Variants in PLPP1 observed in about 807,000 individuals in gnomAD.
PLPP1 encodes phospholipid phosphatase 1.
PLPP1 carries 24 observed loss-of-function variants against 31.2 expected under a neutral mutation model. That is an observed-to-expected ratio of 0.77 (90% confidence interval 0.56 to 1.08). The LOEUF is 1.08. PLPP1 is among the 50% of genes least tolerant of loss of function. The pLI is 0.00. For missense variants in PLPP1, 319 were observed against 342.7 expected (o/e 0.93, Z 0.55); for synonymous variants, 146 against 126.3 (o/e 1.16, Z -1.05).
intron 1 of PLPP1, among the ~76,000 whole-genome samples, chr5:55,487,049 G>C (rs967182557): frequency 5.3e-5 from 8 of 152,092 alleles, no homozygotes; most frequent in Admixed American, 2.0e-4. Flanking sequence ...TGTTATTTTA[G>C]GCTAAGTATT....
chr5:55,449,572 G>A (rs114751484), intron 3 of PLPP1, among the ~76,000 whole-genome samples: 2,497 of 152,078 alleles, frequency 0.016, 87 homozygotes, highest in African/African-American at 0.057. Context: ...GCAGTGAATC[G>A]GGCCCTGTTC....
chr5:55,505,564 G>A (rs1753255882), intron 1 of PLPP1, among the ~76,000 whole-genome samples: 1 of 151,692 alleles, frequency 6.6e-6, no homozygotes, highest in Admixed American at 6.6e-5. Flanking sequence ...TAACAATTCT[G>A]TAACGGAGAA....
chr5:55,431,782 C>T (rs1156361857), intron 4 of PLPP1, among the ~76,000 whole-genome samples: 1 of 152,004 alleles, frequency 6.6e-6, no homozygotes, highest in Non-Finnish European at 1.5e-5. Context: ...AAAATGAACT[C>T]TTAAAAGTAC....
chr5:55,449,285 G>A (rs998650903), intron 3 of PLPP1, among the ~76,000 whole-genome samples: 1 of 152,084 alleles, frequency 6.6e-6, no homozygotes, highest in African/African-American at 2.4e-5. Context: ...GTATCAAATG[G>A]GGGTTAAACT....
rs764053346 is a variant in PLPP1 at position 55,425,873 on chromosome 5, G to C, written c.716C>G (p.Ala239Gly). Residue 239 changes from alanine to glycine, a missense_variant, in exon 5 of 6, where the codon GCA becomes GGA. Coordinates refer to ENST00000307259, the MANE Select transcript of PLPP1 (RefSeq NM_003711.4). ...LTGLIQGALV[A>G]ILVAVYVSDF... is the part of the protein sequence containing the mutation. The stretch of plus-strand genomic sequence containing the variant: ...GACCTGTATACTTACAACTAATATT[G>C]CAACCAGAGCTCCCTGAATGAGTCC... 1.2e-6 allele frequency: 2 copies of C among 1,603,426 alleles called. No individual in the cohort carries two copies. The highest frequency in any genetic ancestry group is 1.7e-6 in the Non-Finnish European group (2 of 1,176,878).
At chr5:55,449,679 AAAGG>A (rs1285313348) in intron 3 of PLPP1, among the ~76,000 whole-genome samples, 2 of 152,226 alleles carry the variant, frequency 1.3e-5, no homozygotes, top group Non-Finnish European at 2.9e-5. Flanking sequence ...ATATAATTTA[AAAGG>A]AAGTCAAATT....
chr5:55,459,150 T>C (rs1422137906), intron 3 of PLPP1, among the ~76,000 whole-genome samples: 1 of 151,068 alleles, frequency 6.6e-6, no homozygotes, highest in Non-Finnish European at 1.5e-5. Context: ...TATATATTAA[T>C]ATCAGGCAAA....
chr5:55,464,670 T>C (rs1435049604), intron 3 of PLPP1, among the ~76,000 whole-genome samples: 4 of 152,130 alleles, frequency 2.6e-5, no homozygotes, highest in Admixed American at 6.6e-5. Flanking sequence ...AGGAACAACA[T>C]GGATGAATTG....
At chr5:55,458,035 A>G (rs568416067) in intron 3 of PLPP1, among the ~76,000 whole-genome samples, 2 of 152,318 alleles carry the variant, frequency 1.3e-5, no homozygotes, top group South Asian at 4.1e-4. Flanking sequence ...TCCAAGAGAG[A>G]TATTAGAGAC....
intron 1 of PLPP1, among the ~76,000 whole-genome samples, chr5:55,511,931 A>C (rs1010509833): frequency 3.3e-5 from 5 of 151,322 alleles, no homozygotes; most frequent in Non-Finnish European, 7.4e-5. Context: ...GGCCTCCCAA[A>C]GTGCTGGGAT....
At chr5:55,426,930 C>T (rs1489525312) in intron 4 of PLPP1, among the ~76,000 whole-genome samples, 2 of 152,040 alleles carry the variant, frequency 1.3e-5, no homozygotes, top group African/African-American at 2.4e-5. Context: ...ATTCTTTCAA[C>T]AGTACTTGTA....
intron 1 of PLPP1, among the ~76,000 whole-genome samples, chr5:55,500,399 T>C (rs181101113): frequency 6.6e-6 from 1 of 152,232 alleles, no homozygotes; most frequent in East Asian, 1.9e-4. Flanking sequence ...TATGTTTATA[T>C]ATAAATAAAC....
At chr5:55,477,396 C>CTTTTTTTT (rs3070044) in intron 1 of PLPP1, among the ~76,000 whole-genome samples, 1 of 133,326 alleles carries the variant, frequency 7.5e-6, no homozygotes, top group African/African-American at 2.8e-5. Context: ...TTTTTCTTTT[C>CTTTTTTTT]TTTTTTTTTT....
intron 4 of PLPP1, among the ~76,000 whole-genome samples, chr5:55,427,970 A>AG (rs1444990718): frequency 6.6e-6 from 1 of 152,040 alleles, no homozygotes; most frequent in African/African-American, 2.4e-5. Context: ...TATTTTTAGT[A>AG]GGGACGATGT....
chr5:55,463,611 C>T (rs986599891), intron 3 of PLPP1, among the ~76,000 whole-genome samples: 1 of 151,538 alleles, frequency 6.6e-6, no homozygotes, highest in Non-Finnish European at 1.5e-5. Context: ...ACTCTAGCTT[C>T]GGCGACAGAG....
At chr5:55,436,621 C>T (rs1159429324) in intron 4 of PLPP1, among the ~76,000 whole-genome samples, 1 of 152,090 alleles carries the variant, frequency 6.6e-6, no homozygotes, top group Non-Finnish European at 1.5e-5. Flanking sequence ...TTGTGAAGAG[C>T]CTCATGATAG....
chr5:55,458,915 A>AAAAAAAAAAAAAAAAC (rs1561231077), intron 3 of PLPP1, among the ~76,000 whole-genome samples: 2 of 148,952 alleles, frequency 1.3e-5, no homozygotes, highest in Admixed American at 6.7e-5. Context: ...AAAAAAAAAA[A>AAAAAAAAAAAAAAAAC]ACACATAGCA....
At chr5:55,468,569 A>C (rs974584597) in intron 2 of PLPP1, among the ~76,000 whole-genome samples, 1 of 152,154 alleles carries the variant, frequency 6.6e-6, no homozygotes, top group African/African-American at 2.4e-5. Flanking sequence ...TGGGAGCCCG[A>C]GGGAGGTGGA....
At chr5:55,521,408 T>G (rs1753664756) in intron 1 of PLPP1, among the ~76,000 whole-genome samples, 1 of 150,360 alleles carries the variant, frequency 6.7e-6, no homozygotes, top group Non-Finnish European at 1.5e-5. Context: ...TCCTTGCCAC[T>G]CGTGGAGGCT....
Sources: allele counts gnomAD v4.1 joint callset (sites outside exome capture counted in the v4.1 genomes callset), GRCh38; gene constraint gnomAD v4.1.1; transcripts MANE v1.5; gene names NCBI Gene and HGNC (gene_info 2026-07-23, HGNC 2026-07-21).